The following SLAIN2 variants were observed in gnomAD, a reference collection of about 807,000 sequenced individuals.
SLAIN2 encodes the protein SLAIN family member 2, also known as SLAIN motif-containing protein 2.
A neutral mutation model predicts 56.6 loss-of-function variants in SLAIN2; 31 were observed. The observed-to-expected ratio is 0.55, with a 90% CI of 0.41 to 0.74. The LOEUF is 0.74. Ranked by LOEUF, SLAIN2 falls within the 30% of genes least tolerant of loss-of-function variation. The pLI, the probability that SLAIN2 is intolerant of heterozygous loss-of-function variation, is 0.00. For missense variants in SLAIN2, 777 were observed against 754.2 expected (o/e 1.03, Z -0.35); for synonymous variants, 317 against 284.9 (o/e 1.11, Z -1.13).
chr4:48,361,797 CTATAA>C (rs1481717701), intron 1 of SLAIN2, among the ~76,000 whole-genome samples: 2 of 148,850 alleles, frequency 1.3e-5, no homozygotes, highest in African/African-American at 4.9e-5. Context: ...ATGTTCAGAT[CTATAA>C]ACATGGTGTA....
At chr4:48,352,248 C>CA (rs892509506) in intron 1 of SLAIN2, among the ~76,000 whole-genome samples, 4 of 152,144 alleles carry the variant, frequency 2.6e-5, no homozygotes, top group Non-Finnish European at 4.4e-5. Flanking sequence ...CTGAAGTATT[C>CA]AAACCAAAGT....
At chr4:48,382,147 T>G (rs1715987501) in intron 4 of SLAIN2, among the ~76,000 whole-genome samples, 1 of 152,180 alleles carries the variant, frequency 6.6e-6, no homozygotes, top group African/African-American at 2.4e-5. Context: ...TTTCAGTAAT[T>G]AAGTATCCAA....
chr4:48,402,957 C>T (rs560451484), intron 6 of SLAIN2, among the ~76,000 whole-genome samples: 1 of 152,188 alleles, frequency 6.6e-6, no homozygotes, highest in South Asian at 2.1e-4. Context: ...ACAGTCAGGC[C>T]CTTCTTCCAT....
Position 48,385,505 on chromosome 4 carries a change from T to C in SLAIN2, c.1360+1721T>C, listed in dbSNP as rs147533835. Among the ~76,000 whole-genome samples the C allele has an allele frequency of 6.6e-5, 10 of 152,360 alleles. No homozygotes were observed. In the East Asian group the frequency reaches 1.9e-3, roughly 29 times the overall value. The stretch of plus-strand genomic sequence containing the variant: ...AGTGGTTGAAGTGGTAGCTGTGTTA[T>C]ATTCTTTCATTTTCTCAAGGCTATG... On this transcript the variant is annotated intron_variant, in intron 6 of 7. Transcript: ENST00000264313.
At chr4:48,386,640 C>T (rs1716108142) in intron 6 of SLAIN2, among the ~76,000 whole-genome samples, 1 of 152,270 alleles carries the variant, frequency 6.6e-6, no homozygotes, top group Admixed American at 6.5e-5. Context: ...TACTCCAAGT[C>T]TTATTGTGAA....
Position 48,383,781 on chromosome 4 carries a change from G to T in SLAIN2, c.1357G>T (p.Ala453Ser). ...ACCTCGTATGCAACCTCAGGCTTCA[G>T]CCAGTAAGTATCCTTCTTATGCTTT... ...GIPRMQPQAS[A>S]IPSPGKFRSP... The change falls in exon 6 of 8, where the codon GCC (alanine) becomes TCC (serine). Residue 453 changes from alanine (A) to serine (S), a missense_variant. Physicochemically the swap from Ala to Ser is moderately conservative, Grantham distance 99. Coordinates refer to ENST00000264313, the MANE Select transcript of SLAIN2 (RefSeq NM_020846.2). 6.2e-7 allele frequency: 1 copy of T among 1,611,276 alleles called. No individual in the cohort carries two copies. Among genetic ancestry groups the T allele is most frequent in the Non-Finnish European group, 8.5e-7 (1 of 1,178,260 alleles).
At chr4:48,386,523 G>A (rs1464551346) in intron 6 of SLAIN2, among the ~76,000 whole-genome samples, 3 of 152,124 alleles carry the variant, frequency 2.0e-5, no homozygotes, top group South Asian at 2.1e-4. Context: ...AAATTCTAAC[G>A]TTTAAAGCAC....
chr4:48,362,275 T>G (rs1176450085), intron 1 of SLAIN2, among the ~76,000 whole-genome samples: 1 of 152,202 alleles, frequency 6.6e-6, no homozygotes, highest in Admixed American at 6.5e-5. Context: ...TGAAAGAGTT[T>G]GTGTAGGATT....
chr4:48,374,964 C>T (rs1715765590), intron 2 of SLAIN2, among the ~76,000 whole-genome samples: 1 of 152,042 alleles, frequency 6.6e-6, no homozygotes, highest in South Asian at 2.1e-4. Flanking sequence ...ATTTGCCATA[C>T]CCAAGGGGAG....
intron 1 of SLAIN2, among the ~76,000 whole-genome samples, chr4:48,360,239 A>C (rs529074260): frequency 6.6e-6 from 1 of 152,210 alleles, no homozygotes; most frequent in Admixed American, 6.5e-5. Context: ...GTTTATTCCT[A>C]TCACATTTTG....
intron 6 of SLAIN2, among the ~76,000 whole-genome samples, chr4:48,404,657 A>T (rs1215491780): frequency 6.6e-6 from 1 of 152,238 alleles, no homozygotes; most frequent in Non-Finnish European, 1.5e-5. Flanking sequence ...CCAGTTTTGG[A>T]ATGATAACAT....
chr4:48,411,386 T>C (rs891914602), intron 6 of SLAIN2, among the ~76,000 whole-genome samples: 2 of 152,314 alleles, frequency 1.3e-5, no homozygotes. Context: ...TATGTTTTTT[T>C]CTAAGAACTT....
rs148108238 is a variant in SLAIN2, at chr4:48,384,007, A to G, written c.1360+223A>G. On this transcript the variant is annotated intron_variant, in intron 6 of 7. Coordinates refer to ENST00000264313, the MANE Select transcript of SLAIN2 (RefSeq NM_020846.2). ...CTTGATTCTGCCAGTACATCTGTCTATACAAAACTCTGGTCTCTCCAGAAT... is the reference window on the plus strand; with the variant it reads ...CTTGATTCTGCCAGTACATCTGTCTGTACAAAACTCTGGTCTCTCCAGAAT... 6.6e-5 allele frequency among the ~76,000 whole-genome samples: 10 copies of G among 152,350 alleles called. 1 individual carries two copies. In the South Asian group the frequency reaches 1.0e-3, roughly 16 times the overall value.
intron 6 of SLAIN2, among the ~76,000 whole-genome samples, chr4:48,417,887 A>C (rs1448900469): frequency 6.6e-6 from 1 of 152,186 alleles, no homozygotes; most frequent in Non-Finnish European, 1.5e-5. Context: ...TGGTATTTTT[A>C]ATCTTGATTT....
At position 48,380,112 on chromosome 4, in the gene SLAIN2, C is replaced by A. The variant is rs548027870; in HGVS notation, c.862+264C>A. 2.0e-5 allele frequency among the ~76,000 whole-genome samples: 3 copies of A among 152,150 alleles called. No homozygotes were observed. In the East Asian group the frequency reaches 5.8e-4, roughly 29 times the overall value. On this transcript the variant is annotated intron_variant, in intron 4 of 7. Transcript: ENST00000264313. ...TCTGCTTCTATGACTGGTTTTTATA[C>A]CCTGCATGTTACTCTGCACTAGCAC...
chr4:48,360,884 G>A (rs1158633091), intron 1 of SLAIN2, among the ~76,000 whole-genome samples: 1 of 152,058 alleles, frequency 6.6e-6, no homozygotes, highest in Non-Finnish European at 1.5e-5. Context: ...TTTGTGACTG[G>A]CTTCTTTTAC....
In SLAIN2 at chr4:48,382,910, G is replaced by A. The variant is rs1405674301; in HGVS notation, c.1205G>A (p.Ser402Asn). ...GGCCATCCCACAGATTTACAGACAAGCAATGTTAAAAATGAAGGTAAAATA... is the reference window on the plus strand; with the variant it reads ...GGCCATCCCACAGATTTACAGACAAACAATGTTAAAAATGAAGGTAAAATA... ...LQGHPTDLQTSNVKNEEKLRR... is the reference protein window; with the variant it reads ...LQGHPTDLQTNNVKNEEKLRR... The change falls in exon 5 of 8, where the codon AGC (serine) becomes AAC (asparagine). Residue 402 changes from serine (S) to asparagine (N), a missense_variant. Ser to Asn is a conservative substitution (Grantham distance 46, BLOSUM62 1). Coordinates refer to ENST00000264313, the MANE Select transcript of SLAIN2 (RefSeq NM_020846.2). 5 of 1,606,250 alleles carry A rather than the reference G, an allele frequency of 3.1e-6. No homozygotes were observed. The highest frequency in any genetic ancestry group is 2.7e-5 in the African/African-American group (2 of 74,652).
chr4:48,407,232 T>G (rs1454993025), intron 6 of SLAIN2, among the ~76,000 whole-genome samples: 2 of 152,122 alleles, frequency 1.3e-5, no homozygotes, highest in Non-Finnish European at 2.9e-5. Flanking sequence ...TCTTACATTA[T>G]GTATTGTGTA....
chr4:48,369,731 A>T, intron 1 of SLAIN2, 118 bp from the exon 2 acceptor site: 1 of 856,282 alleles, frequency 1.2e-6, no homozygotes, highest in Non-Finnish European at 1.7e-6. Flanking sequence ...GGTGATTTAA[A>T]ATATACTCCA....
Sources: gnomAD v4.1 joint callset for allele counts (sites outside exome capture counted in the v4.1 genomes callset) on GRCh38, gnomAD v4.1.1 for gene constraint, MANE v1.5 for transcripts, NCBI Gene and HGNC (gene_info 2026-07-23, HGNC 2026-07-21) for gene names.